The following POLR2F variants were observed in gnomAD, a reference collection of about 807,000 sequenced individuals.
The protein encoded by POLR2F is RNA polymerase II, I and III subunit F.
A neutral mutation model predicts 22.7 loss-of-function variants in POLR2F; 12 were observed. The observed-to-expected ratio is 0.53, with a 90% CI of 0.34 to 0.86. The LOEUF is 0.86. POLR2F is among the 40% of genes least tolerant of loss of function. The pLI, the probability that POLR2F is intolerant of heterozygous loss-of-function variation, is 0.02. For synonymous variants in POLR2F, 57 were observed against 66.0 expected (o/e 0.86, Z 0.66); for missense variants, 126 against 171.5 (o/e 0.73, Z 1.48).
Position 37,986,278 on chromosome 22 carries a change from C to A in POLR2F, c.88C>A (p.Pro30Thr). ...CGCCTCCAACACCCGCTGCTGCCCG[C>A]CCGCTGCCTGCCTGCCTGGCATCTC... The change falls in exon 1 of 3, where the codon CCC becomes ACC. Residue 30 changes from proline (P) to threonine (T), a missense_variant. Coordinates refer to the POLR2F transcript ENST00000333418. This position sits in a 1 kb window ranked among gnomAD's most constrained non-coding sequence, Gnocchi z 4.7. 6.5e-7 allele frequency: 1 copy of A among 1,538,888 alleles called. No individual in the cohort carries two copies. Among genetic ancestry groups the A allele is most frequent in the South Asian group, 1.2e-5 (1 of 84,016 alleles).
chr22:38,011,902 C>T (rs745615926), intron 1 of POLR2F, among the ~76,000 whole-genome samples: 6 of 151,772 alleles, frequency 4.0e-5, no homozygotes, highest in Non-Finnish European at 7.4e-5. Context: ...ATGAATGTGG[C>T]ATAGCTCTGC....
At chr22:37,971,606 A>G (rs896563732), downstream of POLR2F, among the ~76,000 whole-genome samples, 1 of 152,050 alleles carries the variant, frequency 6.6e-6, no homozygotes, top group Non-Finnish European at 1.5e-5. Context: ...GGACTTGGAC[A>G]TGGGCACCTG....
intron 4 of POLR2F, among the ~76,000 whole-genome samples, chr22:37,979,512 G>A (rs1229742867): frequency 6.6e-6 from 1 of 151,972 alleles, no homozygotes; most frequent in African/African-American, 2.4e-5. Flanking sequence ...GGACTGAGGG[G>A]GCAGATGTGG....
rs368675623 is a variant in POLR2F, at chr22:37,997,331, C to G, written c.120+11019C>G. Among the ~76,000 whole-genome samples the G allele has an allele frequency of 2.0e-5, 3 of 152,258 alleles. No individual in the cohort carries two copies. Among genetic ancestry groups the G allele is most frequent in the African/African-American group, 7.2e-5 (3 of 41,542 alleles). Reference sequence around the variant, plus strand: ...TCCCCAGCCTCCTCTCTCTGGGAAGCTTTTTAATTTTGACCCCACATCCCA... The same window carrying G: ...TCCCCAGCCTCCTCTCTCTGGGAAGGTTTTTAATTTTGACCCCACATCCCA... On this transcript the variant is annotated intron_variant, in intron 1 of 2. Coordinates refer to the POLR2F transcript ENST00000333418. This position sits in a 1 kb window ranked among gnomAD's most constrained non-coding sequence, Gnocchi z 4.4.
At chr22:38,000,905 C>T (rs1390500567) in intron 1 of POLR2F, among the ~76,000 whole-genome samples, 4 of 152,116 alleles carry the variant, frequency 2.6e-5, no homozygotes, top group Admixed American at 1.3e-4. Context: ...CTCAGCACAG[C>T]GCTTGGCACA....
At chr22:37,977,837 C>T (rs1445995339) in intron 4 of POLR2F, 5 of 1,594,076 alleles carry the variant, frequency 3.1e-6, no homozygotes, top group Non-Finnish European at 4.3e-6. Flanking sequence ...CTGGCCTTGC[C>T]CCACCCTCAG....
intron 5 of POLR2F, chr22:38,033,270 T>G (rs939098923): frequency 6.6e-6 from 1 of 152,186 alleles, no homozygotes; most frequent in African/African-American, 2.4e-5. Flanking sequence ...CGCCAGCCTT[T>G]TCAGGTGGAC....
intron 3 of POLR2F, 61 bp downstream of exon 3, chr22:37,959,537 G>A (rs758800619): frequency 3.0e-5 from 46 of 1,559,208 alleles, no homozygotes; most frequent in South Asian, 4.6e-5. Flanking sequence ...CTCTTGTACC[G>A]CTGATCTTTC....
chr22:38,035,886 G>C (rs1399591057), intron 5 of POLR2F, among the ~76,000 whole-genome samples: 1 of 152,154 alleles, frequency 6.6e-6, no homozygotes, highest in African/African-American at 2.4e-5. Context: ...CAAAGCTCCA[G>C]GGTGGGTGTG....
At chr22:38,011,654 T>G (rs1204247235) in intron 1 of POLR2F, among the ~76,000 whole-genome samples, 2 of 152,172 alleles carry the variant, frequency 1.3e-5, no homozygotes, top group East Asian at 3.8e-4. Flanking sequence ...GACTTGATTA[T>G]TATAGGCTTG....
chr22:37,979,159 G>A (rs188550827), intron 4 of POLR2F, among the ~76,000 whole-genome samples: 1 of 151,806 alleles, frequency 6.6e-6, no homozygotes, highest in East Asian at 1.9e-4. Flanking sequence ...GTGCCGTGAT[G>A]CGGTCTCAGC....
At chr22:38,037,835 C>T (rs1365822081) in intron 5 of POLR2F, among the ~76,000 whole-genome samples, 3 of 152,170 alleles carry the variant, frequency 2.0e-5, no homozygotes, top group Non-Finnish European at 2.9e-5. Flanking sequence ...TCGTGATCCA[C>T]CCACCTCGGC....
intron 3 of POLR2F, among the ~76,000 whole-genome samples, chr22:37,965,376 G>A (rs746003306): frequency 3.9e-5 from 6 of 152,060 alleles, no homozygotes; most frequent in African/African-American, 7.3e-5. Context: ...CCTGGTGGCT[G>A]ATGATGTTTG....
upstream of POLR2F, chr22:37,986,187 G>A: frequency 6.5e-7 from 1 of 1,542,608 alleles, no homozygotes. The surrounding 1 kb of genome is among the most constrained non-coding windows in gnomAD (Gnocchi z 4.7). Context: ...CCGGAGAGGA[G>A]CCGCCCTGGA....
chr22:38,035,216 T>C (rs1465895323), intron 5 of POLR2F, among the ~76,000 whole-genome samples: 4 of 152,148 alleles, frequency 2.6e-5, no homozygotes, highest in Non-Finnish European at 5.9e-5. Context: ...CCATGGTGGG[T>C]TATTCTGTAA....
At chr22:38,030,841 G>A (rs922839936), downstream of POLR2F, among the ~76,000 whole-genome samples, 1 of 152,134 alleles carries the variant, frequency 6.6e-6, no homozygotes, top group East Asian at 1.9e-4. Context: ...GTTCCCCGGG[G>A]ATCAGGAACA....
rs1004317367 is a variant in POLR2F at position 38,035,412 on chromosome 22, C to T, written c.453-5656C>T. Among the ~76,000 whole-genome samples, 47 of 152,234 alleles carry T rather than the reference C, an allele frequency of 3.1e-4. 1 individual carries two copies. Among genetic ancestry groups the T allele is most frequent in the African/African-American group, 9.6e-5 (4 of 41,454 alleles). The stretch of plus-strand genomic sequence containing the variant: ...AACAGGCCAAGGGGCTGCTGCCCAA[C>T]GGTCTAGAGCAAGTCAGTGGGGCAA... On this transcript the variant is annotated intron_variant, in intron 5 of 5. Transcript: ENST00000407936.
At chr22:37,995,837 A>T (rs888993870) in intron 1 of POLR2F, among the ~76,000 whole-genome samples, 2 of 115,298 alleles carry the variant, frequency 1.7e-5, no homozygotes, top group Admixed American at 8.0e-5. Context: ...ACTAAAAATT[A>T]AAAAAAAAAA....
chr22:38,041,459 T>C, downstream of POLR2F: 1 of 298,872 alleles, frequency 3.3e-6, no homozygotes, highest in South Asian at 5.9e-5. Context: ...GGAAGGCTTG[T>C]GGGCGGTGGA....
Sources: allele counts gnomAD v4.1 joint callset (sites outside exome capture counted in the v4.1 genomes callset), GRCh38; gene constraint gnomAD v4.1.1; non-coding constraint Gnocchi (gnomAD v3.1); transcripts MANE v1.5; gene names NCBI Gene and HGNC (gene_info 2026-07-23, HGNC 2026-07-21).